Variants in LRMDA observed in about 807,000 individuals in gnomAD.
The protein encoded by LRMDA is leucine-rich melanocyte differentiation-associated protein.
A neutral mutation model predicts 29.8 loss-of-function variants in LRMDA; 18 were observed. The observed-to-expected ratio is 0.60, with a 90% CI of 0.42 to 0.90. The LOEUF (loss-of-function observed/expected upper bound fraction) is 0.90. LRMDA is among the 40% of genes least tolerant of loss of function. The probability of loss-of-function intolerance (pLI) is 0.00; values close to 1 mark genes in which losing one functional copy is unlikely to be tolerated. For synonymous variants in LRMDA, 125 were observed against 109.4 expected, an observed-to-expected ratio of 1.14 and a Z score of -0.89; for missense variants, 273 against 273.9, an observed-to-expected ratio of 1.00 and a Z score of 0.02.
intron 2 of LRMDA, among the ~76,000 whole-genome samples, chr10:75,585,845 A>T (rs1388760904): frequency 6.6e-6 from 1 of 152,110 alleles, no homozygotes; most frequent in African/African-American, 2.4e-5. Flanking sequence ...TTCTCCCCTC[A>T]TCCCCTGGCA....
intron 2 of LRMDA, among the ~76,000 whole-genome samples, chr10:75,635,041 G>A (rs1178888131): frequency 6.6e-6 from 1 of 152,150 alleles, no homozygotes; most frequent in Non-Finnish European, 1.5e-5. Context: ...GAAATTCCTT[G>A]ACACTTTTTT....
chr10:75,913,887 G>C (rs145680357), intron 2 of LRMDA, among the ~76,000 whole-genome samples: 3 of 152,124 alleles, frequency 2.0e-5, no homozygotes, highest in Non-Finnish European at 2.9e-5. Flanking sequence ...TTATTTTCCC[G>C]TATGAATCCC....
intron 2 of LRMDA, among the ~76,000 whole-genome samples, chr10:75,438,782 A>G (rs1271764895): frequency 6.6e-6 from 1 of 152,058 alleles, no homozygotes; most frequent in Admixed American, 6.5e-5. Context: ...TGTTCTTTTC[A>G]TTTCTCACGG....
chr10:75,761,871 G>T (rs1187057369), intron 2 of LRMDA, among the ~76,000 whole-genome samples: 3 of 150,316 alleles, frequency 2.0e-5, no homozygotes, highest in Non-Finnish European at 3.0e-5. Flanking sequence ...TGGTATCTTG[G>T]CTCACTGCCA....
At chr10:76,081,090 A>T (rs1371418723) in intron 5 of LRMDA, among the ~76,000 whole-genome samples, 1 of 152,220 alleles carries the variant, frequency 6.6e-6, no homozygotes, top group Non-Finnish European at 1.5e-5. Flanking sequence ...GGCCCTGGTG[A>T]CACCTTTATG....
At chr10:75,724,472 C>T (rs1842606912) in intron 2 of LRMDA, among the ~76,000 whole-genome samples, 2 of 152,250 alleles carry the variant, frequency 1.3e-5, no homozygotes, top group South Asian at 4.1e-4. Context: ...CAAAATTTAT[C>T]TGAGGTATGG....
At chr10:75,637,624 C>G (rs1054293333) in intron 2 of LRMDA, among the ~76,000 whole-genome samples, 120 of 152,190 alleles carry the variant, frequency 7.9e-4, no homozygotes, top group African/African-American at 2.8e-3. Flanking sequence ...GCTTAGCCTT[C>G]CTTGGAAAAT....
rs573460658 is a variant in LRMDA at position 75,695,180 on chromosome 10, C to T, written c.131+256686C>T. Among the ~76,000 whole-genome samples, 8 of 151,948 alleles carry T rather than the reference C, an allele frequency of 5.3e-5. No homozygotes were observed. In the South Asian group the frequency reaches 1.5e-3, roughly 28 times the overall value. On this transcript the variant is annotated intron_variant, in intron 2 of 6. Coordinates refer to ENST00000611255, the MANE Select transcript of LRMDA (RefSeq NM_001305581.2). ...GTGTCTTGCTTTTTTTAAATTTTTC[C>T]TTAAAGCAAGAAATACCCTACAGGA...
At chr10:75,651,866 A>G (rs1864486) in intron 2 of LRMDA, among the ~76,000 whole-genome samples, 31,065 of 152,174 alleles carry the variant, frequency 0.2, 7,899 homozygotes, top group African/African-American at 0.59. Context: ...TAAGGGTACC[A>G]ATAGACTTGA....
At chr10:76,065,302 G>A (rs1249038534) in intron 5 of LRMDA, among the ~76,000 whole-genome samples, 2 of 152,174 alleles carry the variant, frequency 1.3e-5, no homozygotes, top group African/African-American at 2.4e-5. Context: ...AAAAAATAGA[G>A]CACTGCAGGA....
At chr10:75,866,730 C>G (rs942093) in intron 2 of LRMDA, among the ~76,000 whole-genome samples, 121,737 of 152,174 alleles carry the variant, frequency 0.8, 49,229 homozygotes, top group East Asian at 0.98. Context: ...TTGCAAAGCA[C>G]TGCTGAACAT....
intron 2 of LRMDA, among the ~76,000 whole-genome samples, chr10:76,033,762 G>C (rs1330594591): frequency 6.6e-6 from 1 of 152,122 alleles, no homozygotes; most frequent in Non-Finnish European, 1.5e-5. Flanking sequence ...ACCTCCCCTA[G>C]TGGTAAACGG....
intron 4 of LRMDA, 54 bp downstream of exon 4, chr10:76,047,357 G>A (rs894347935): frequency 2.0e-5 from 30 of 1,526,558 alleles, no homozygotes; most frequent in Middle Eastern, 1.7e-4. Flanking sequence ...AGAAACTTTA[G>A]GGGATGATAT....
chr10:75,541,402 C>CTTTT (rs35660494), intron 2 of LRMDA, among the ~76,000 whole-genome samples: 66 of 136,866 alleles, frequency 4.8e-4, no homozygotes, highest in African/African-American at 1.7e-3. Flanking sequence ...TCCCCACAAA[C>CTTTT]TTTTTTTTTT....
At chr10:76,429,045 C>T (rs1325605041) in intron 6 of LRMDA, among the ~76,000 whole-genome samples, 1 of 151,970 alleles carries the variant, frequency 6.6e-6, no homozygotes, top group Non-Finnish European at 1.5e-5. Flanking sequence ...CACACAAACA[C>T]ACACACACAC....
intron 5 of LRMDA, among the ~76,000 whole-genome samples, chr10:76,194,017 A>G (rs1292035453): frequency 2.0e-5 from 3 of 152,220 alleles, no homozygotes; most frequent in Non-Finnish European, 4.4e-5. Flanking sequence ...GAGTAGAGCC[A>G]GTGCAAAGGT....
At chr10:75,592,003 G>A (rs1182572174) in intron 2 of LRMDA, among the ~76,000 whole-genome samples, 1 of 152,076 alleles carries the variant, frequency 6.6e-6, no homozygotes, top group African/African-American at 2.4e-5. Flanking sequence ...GGCATGTTTA[G>A]GTGTGTGGGC....
rs190341899 is a variant in LRMDA, at chr10:76,282,430, C to T, written c.517-41971C>T. On this transcript the variant is annotated intron_variant, in intron 5 of 6. Transcript: ENST00000611255. ...ATTATGAAAGTATTTCAGCCTGCGT[C>T]GACCCCAGTGTTTGTGCAGTCAAGA... Among the ~76,000 whole-genome samples the T allele has an allele frequency of 7.2e-5, 11 of 152,252 alleles. No homozygotes were observed. The East Asian group carries it at 1.7e-3, about 24-fold the overall frequency.
At chr10:76,274,248 G>T (rs1013641772) in intron 5 of LRMDA, among the ~76,000 whole-genome samples, 2 of 152,114 alleles carry the variant, frequency 1.3e-5, no homozygotes, top group Non-Finnish European at 2.9e-5. Flanking sequence ...CCTCCATTTA[G>T]TTAATCCCAT....
Sources: allele counts gnomAD v4.1 joint callset (sites outside exome capture counted in the v4.1 genomes callset), GRCh38; gene constraint gnomAD v4.1.1; transcripts MANE v1.5; gene names NCBI Gene and HGNC (gene_info 2026-07-23, HGNC 2026-07-21).